The following MYO16 variants were observed in gnomAD, a reference collection of about 807,000 sequenced individuals.
MYO16 encodes the protein myosin XVI.
A neutral mutation model predicts 205.3 loss-of-function variants in MYO16; 94 were observed. That is an observed-to-expected ratio of 0.46 (90% confidence interval 0.39 to 0.54). MYO16 has a LOEUF of 0.54. Ranked by LOEUF, MYO16 falls within the 20% of genes least tolerant of loss-of-function variation. The pLI is 0.00. For missense variants in MYO16, 2,315 were observed against 2,387.5 expected, an observed-to-expected ratio of 0.97 and a Z score of 0.63; for synonymous variants, 988 against 954.0, an observed-to-expected ratio of 1.04 and a Z score of -0.66.
the MYO16 span, among the ~76,000 whole-genome samples, chr13:108,559,470 C>CTTTTTTTTTTTTTTTTTTTTT: frequency 5.7e-5 from 5 of 87,414 alleles, no homozygotes; most frequent in Non-Finnish European, 9.0e-5. Context: ...TTTTTCTTTT[C>CTTTTTTTTTTTTTTTTTTTTT]TTTTTTTTTT....
chr13:108,962,629 T>G, intron 19 of MYO16, 134 bp downstream of exon 19: 2 of 685,080 alleles, frequency 2.9e-6, no homozygotes, highest in Non-Finnish European at 4.8e-6. Context: ...ATTCTGAGCC[T>G]GTTTGGTCAT....
rs144830191 is a variant in MYO16 at position 109,185,836 on chromosome 13, T to C, written c.5415+6203T>C. Among the ~76,000 whole-genome samples, 282 of 152,318 alleles carry C rather than the reference T, an allele frequency of 1.9e-3. 1 individual carries two copies. The highest frequency in any genetic ancestry group is 5.2e-3 in the Admixed American group (80 of 15,306). On this transcript the variant is annotated intron_variant, in intron 34 of 34. Transcript: ENST00000457511. ...TGAGCATAGGTGTACTCATAAATCATATAATATTCACAAGTAATAACCAAT... is the reference window on the plus strand; with the variant it reads ...TGAGCATAGGTGTACTCATAAATCACATAATATTCACAAGTAATAACCAAT...
chr13:108,720,106 G>A, intron 3 of MYO16, among the ~76,000 whole-genome samples: 1 of 152,110 alleles, frequency 6.6e-6, no homozygotes, highest in Admixed American at 6.5e-5. Context: ...CAGCATTCTG[G>A]GTAGTTTATC....
the MYO16 span, among the ~76,000 whole-genome samples, chr13:108,553,282 C>T: frequency 2.6e-5 from 4 of 151,986 alleles, no homozygotes; most frequent in South Asian, 2.1e-4. Flanking sequence ...TGAGCCACCG[C>T]GCCTGGCGTT....
chr13:108,559,315 A>C, the MYO16 span, among the ~76,000 whole-genome samples: 1 of 151,920 alleles, frequency 6.6e-6, no homozygotes, highest in East Asian at 1.9e-4. Flanking sequence ...CCCAGAAACA[A>C]ATGCATGGAG....
chr13:108,791,698 T>C (rs1466595507), intron 5 of MYO16, among the ~76,000 whole-genome samples: 2 of 152,128 alleles, frequency 1.3e-5, no homozygotes, highest in African/African-American at 2.4e-5. Context: ...AAGTGCCCCA[T>C]GGGGAGAAAA....
rs538801496 is a variant in MYO16 at position 109,043,014 on chromosome 13, C to T, written c.2797-3902C>T. Among the ~76,000 whole-genome samples the T allele has an allele frequency of 1.4e-3, 214 of 152,202 alleles. 1 individual carries two copies. The highest frequency in any genetic ancestry group is 1.0e-3 in the South Asian group (5 of 4,818). On this transcript the variant is annotated intron_variant, in intron 23 of 34. Transcript: ENST00000457511. ...TTTTACTTTAGTTTGAATGGAAGAC[C>T]TTCAGCATTTTCTCTAGATATCCAC... is the stretch of plus-strand genomic sequence containing the variant.
intron 4 of MYO16, among the ~76,000 whole-genome samples, chr13:108,772,920 C>T (rs1886014765): frequency 6.6e-6 from 1 of 152,056 alleles, no homozygotes; most frequent in Admixed American, 6.5e-5. Flanking sequence ...TCTGTTTGGG[C>T]TGTTATAACA....
the MYO16 span, among the ~76,000 whole-genome samples, chr13:108,548,891 T>C: frequency 1.5e-4 from 23 of 152,308 alleles, no homozygotes; most frequent in African/African-American, 5.5e-4. Context: ...ACATTTCTCC[T>C]TGTGCACAAT....
intron 16 of MYO16, among the ~76,000 whole-genome samples, chr13:108,938,118 C>T (rs1882571569): frequency 6.6e-6 from 1 of 151,712 alleles, no homozygotes; most frequent in African/African-American, 2.4e-5. Context: ...TTTTCCTCTC[C>T]CTTTTCCCCC....
At chr13:108,997,312 GAAAGAAAGAAAGAAAGAAAGAAAGAA>G (rs1415682105) in intron 21 of MYO16, among the ~76,000 whole-genome samples, 212 of 1,924 alleles carry the variant, frequency 0.11, no homozygotes, top group Middle Eastern at 0.5. Flanking sequence ...AAGAAAGAAA[GAAAGAAAGAAAGAAAGAAAGAAAGAA>G]AGAGAGAGAG....
chr13:108,506,586 G>A, the MYO16 span, among the ~76,000 whole-genome samples: 2 of 152,114 alleles, frequency 1.3e-5, no homozygotes, highest in African/African-American at 4.8e-5. Context: ...GTGTGTGTGT[G>A]TGCATAGTCC....
At chr13:108,660,463 G>A (rs1881451514) in intron 1 of MYO16, among the ~76,000 whole-genome samples, 1 of 152,122 alleles carries the variant, frequency 6.6e-6, no homozygotes, top group African/African-American at 2.4e-5. Context: ...CCAGTGTTAG[G>A]TACATATATA....
chr13:109,088,570 C>T (rs1453041035), intron 27 of MYO16, among the ~76,000 whole-genome samples: 1 of 151,992 alleles, frequency 6.6e-6, no homozygotes, highest in Non-Finnish European at 1.5e-5. Context: ...TATTATTCAG[C>T]TCCCATATTG....
chr13:108,699,096 C>A (rs12430951), intron 2 of MYO16, among the ~76,000 whole-genome samples: 21,976 of 132,162 alleles, frequency 0.17, 1,909 homozygotes, highest in East Asian at 0.43. Flanking sequence ...CTCTCTCTCT[C>A]TATATATATA....
intron 1 of MYO16, among the ~76,000 whole-genome samples, chr13:108,650,756 T>C (rs1372962148): frequency 2.0e-5 from 3 of 152,130 alleles, no homozygotes; most frequent in African/African-American, 7.2e-5. Flanking sequence ...AGCTCTTACA[T>C]CTTGAAGACG....
chr13:109,186,138 C>G (rs932427547), intron 34 of MYO16, among the ~76,000 whole-genome samples: 1 of 152,024 alleles, frequency 6.6e-6, no homozygotes, highest in Non-Finnish European at 1.5e-5. Context: ...TGCATTCCAG[C>G]CTAAGCAACA....
intron 10 of MYO16, among the ~76,000 whole-genome samples, chr13:108,852,392 A>G (rs1293924672): frequency 6.6e-6 from 1 of 152,196 alleles, no homozygotes; most frequent in Non-Finnish European, 1.5e-5. Context: ...CCTGTTCCCC[A>G]GTGGTTATCA....
chr13:108,574,269 T>C, the MYO16 span, among the ~76,000 whole-genome samples: 5,007 of 152,260 alleles, frequency 0.033, 250 homozygotes, highest in African/African-American at 0.11. Flanking sequence ...TTTCTGTAGT[T>C]CTAGGGGAAA....
Sources: allele counts gnomAD v4.1 joint callset (sites outside exome capture counted in the v4.1 genomes callset), GRCh38; gene constraint gnomAD v4.1.1; transcripts MANE v1.5; gene names NCBI Gene and HGNC (gene_info 2026-07-23, HGNC 2026-07-21).